Variants in GAS7 observed in about 807,000 individuals in gnomAD.
The protein encoded by GAS7 is growth arrest specific 7, also known as growth arrest-specific protein 7.
Under a neutral mutation model 71.1 loss-of-function variants are expected in GAS7, and 28 were observed. That is an observed-to-expected ratio of 0.39 (90% CI 0.29 to 0.54). The LOEUF (loss-of-function observed/expected upper bound fraction) is 0.54, where lower values mean the gene tolerates loss of function less well. Ranked by LOEUF, GAS7 falls within the 20% of genes least tolerant of loss-of-function variation. The pLI is 0.62. For synonymous variants in GAS7, 258 were observed against 245.8 expected (o/e 1.05, Z -0.46); for missense variants, 436 against 627.8 (o/e 0.69, Z 3.27).
At chr17:10,002,271 G>A (rs537770716) in intron 2 of GAS7, among the ~76,000 whole-genome samples, 25 of 152,082 alleles carry the variant, frequency 1.6e-4, no homozygotes, top group Non-Finnish European at 2.4e-4. Flanking sequence ...GCATTCCTTG[G>A]CTCGTAGATG....
At chr17:10,033,138 A>AT (rs1304569518) in intron 1 of GAS7, among the ~76,000 whole-genome samples, 1 of 152,180 alleles carries the variant, frequency 6.6e-6, no homozygotes, top group Non-Finnish European at 1.5e-5. Context: ...ATGCTAGTTG[A>AT]TATCTATAAC....
chr17:10,083,056 C>T (rs2073475642), intron 1 of GAS7, among the ~76,000 whole-genome samples: 1 of 152,166 alleles, frequency 6.6e-6, no homozygotes, highest in Non-Finnish European at 1.5e-5. Flanking sequence ...TACACACTGA[C>T]TAATTCAAGT....
At chr17:9,928,543 A>AC (rs2068096098) in intron 9 of GAS7, among the ~76,000 whole-genome samples, 2 of 151,946 alleles carry the variant, frequency 1.3e-5, no homozygotes, top group Admixed American at 1.3e-4. Context: ...TCAACCTATG[A>AC]CCACCCCACC....
chr17:10,145,195 C>T (rs1428101404), intron 1 of GAS7, among the ~76,000 whole-genome samples: 2 of 152,224 alleles, frequency 1.3e-5, no homozygotes, highest in African/African-American at 4.8e-5. Context: ...GCCAGCAGCA[C>T]CGGGGCAGGT....
intron 1 of GAS7, among the ~76,000 whole-genome samples, chr17:10,150,594 T>TTTTTTTTTC (rs1022064190): frequency 8.3e-5 from 12 of 144,342 alleles, no homozygotes; most frequent in African/African-American, 2.9e-4. Context: ...TACATTTCTT[T>TTTTTTTTTC]TTTTTTTTTT....
At chr17:9,965,492 T>A (rs2069669285) in intron 4 of GAS7, among the ~76,000 whole-genome samples, 1 of 151,854 alleles carries the variant, frequency 6.6e-6, no homozygotes, top group African/African-American at 2.4e-5. Context: ...TGGGGGAACA[T>A]CACACACCAG....
At chr17:9,966,069 G>T (rs1200166823) in intron 4 of GAS7, among the ~76,000 whole-genome samples, 1 of 149,232 alleles carries the variant, frequency 6.7e-6, no homozygotes, top group Non-Finnish European at 1.5e-5. Flanking sequence ...TGCAATCTCG[G>T]CTCACTGCAA....
chr17:9,943,211 T>C lies in GAS7; in HGVS notation c.641A>G (p.Asn214Ser). 1 of 1,611,274 alleles carries C rather than the reference T, an allele frequency of 6.2e-7. No homozygotes were observed. The highest frequency in any genetic ancestry group is 1.7e-4 in the Middle Eastern group (1 of 6,058). Residue 214 changes from asparagine (N) to serine (S), a missense_variant, in exon 7 of 14, where the codon AAC becomes AGC. Physicochemically the swap from Asn to Ser is conservative, Grantham distance 46. Transcript: ENST00000432992. The part of the protein sequence containing the change: ...FWADKKDPQG[N>S]GTVAGFELLL... ...TAGTTCAAACCCAGCCACGGTGCCGTTGCCTTGGGGGTCCTTCTTATCAGC... is the reference window on the plus strand; with the variant it reads ...TAGTTCAAACCCAGCCACGGTGCCGCTGCCTTGGGGGTCCTTCTTATCAGC...
At chr17:10,140,878 T>G (rs1430705135) in intron 1 of GAS7, among the ~76,000 whole-genome samples, 1 of 152,200 alleles carries the variant, frequency 6.6e-6, no homozygotes, top group East Asian at 1.9e-4. Flanking sequence ...TGCACAACAC[T>G]GCAGATACAA....
chr17:10,074,408 C>T (rs1316775426), intron 1 of GAS7, among the ~76,000 whole-genome samples: 1 of 152,148 alleles, frequency 6.6e-6, no homozygotes, highest in Admixed American at 6.5e-5. Context: ...CTCTTTTCTC[C>T]TTCTGAATAA....
intron 1 of GAS7, among the ~76,000 whole-genome samples, chr17:10,091,674 C>T (rs2073582931): frequency 6.6e-6 from 1 of 152,130 alleles, no homozygotes; most frequent in Non-Finnish European, 1.5e-5. Flanking sequence ...GTGTGAGCCA[C>T]CACGCCCAGC....
intron 1 of GAS7, among the ~76,000 whole-genome samples, chr17:10,088,366 A>G (rs7225381): frequency 0.51 from 78,001 of 151,514 alleles, 20,719 homozygotes; most frequent in African/African-American, 0.62. Flanking sequence ...GCAGGTACAA[A>G]ACCCCAGGCA....
rs1597425304 is a variant in GAS7 at position 9,912,875 on chromosome 17, G to A, written c.*4353C>T. ...ACGCCCATGCAATGAAATACTTCCC[G>A]GCAAGGAGAAGGAACAAACCACACG... On this transcript the variant is annotated 3_prime_UTR_variant, in exon 14 of 14. Coordinates refer to ENST00000432992, the MANE Select transcript of GAS7 (RefSeq NM_201433.2). The A allele has an allele frequency of 8.6e-6, 2 of 232,854 alleles. No homozygotes were observed. The highest frequency in any genetic ancestry group is 1.7e-5 in the Non-Finnish European group (2 of 117,844). 14.4% of individuals were successfully genotyped at this position (232,854 alleles called of 1,614,324 possible). A position where few individuals can be genotyped will look rare whatever the true frequency, so the allele number is the denominator to read the frequency against.
intron 9 of GAS7, among the ~76,000 whole-genome samples, chr17:9,928,511 G>A (rs2038530153): frequency 6.6e-6 from 1 of 152,034 alleles, no homozygotes; most frequent in Non-Finnish European, 1.5e-5. Flanking sequence ...CCACCCCACT[G>A]CCTGGAATCA....
intron 9 of GAS7, among the ~76,000 whole-genome samples, chr17:9,930,531 C>T (rs569287258): frequency 6.6e-6 from 1 of 152,346 alleles, no homozygotes; most frequent in East Asian, 1.9e-4. Context: ...CTTCTCCCTT[C>T]TTCAGCAGGA....
At chr17:10,078,077 GTGTTT>G (rs201341780) in intron 1 of GAS7, among the ~76,000 whole-genome samples, 2,465 of 149,846 alleles carry the variant, frequency 0.016, 25 homozygotes, top group Non-Finnish European at 0.023. Context: ...GTGTGTGTGT[GTGTTT>G]TGTTTTGTTT....
At chr17:10,164,747 C>T (rs117567643) in intron 1 of GAS7, among the ~76,000 whole-genome samples, 8,134 of 149,996 alleles carry the variant, frequency 0.054, 338 homozygotes, top group Admixed American at 0.14. Flanking sequence ...AATCTCAGCA[C>T]TTTGGGAGAC....
chr17:9,937,143 CTG>C (rs2068429225), intron 8 of GAS7, among the ~76,000 whole-genome samples: 1 of 152,198 alleles, frequency 6.6e-6, no homozygotes, highest in South Asian at 2.1e-4. Context: ...CATGGGGCTG[CTG>C]TGCGTGCATG....
chr17:10,079,864 C>T (rs2073438819), intron 1 of GAS7, among the ~76,000 whole-genome samples: 2 of 152,134 alleles, frequency 1.3e-5, no homozygotes, highest in African/African-American at 4.8e-5. Context: ...AAAAAAAATA[C>T]ACCACGCACA....
Sources: allele counts gnomAD v4.1 joint callset (sites outside exome capture counted in the v4.1 genomes callset), GRCh38; gene constraint gnomAD v4.1.1; transcripts MANE v1.5; gene names NCBI Gene and HGNC (gene_info 2026-07-23, HGNC 2026-07-21).